Variants in TYR observed in about 807,000 individuals in gnomAD.
TYR encodes the protein tyrosinase.
Under a neutral mutation model 51.5 loss-of-function variants are expected in TYR, and 58 were observed. That is an observed-to-expected ratio of 1.13 (90% confidence interval 0.91 to 1.40). The LOEUF (loss-of-function observed/expected upper bound fraction) is 1.40, where lower values mean the gene tolerates loss of function less well. TYR is among the 40% of genes most tolerant of loss of function. The pLI, the probability that TYR is intolerant of heterozygous loss-of-function variation, is 0.00. For synonymous variants in TYR, 263 were observed against 235.2 expected, an observed-to-expected ratio of 1.12 and a Z score of -1.08; for missense variants, 732 against 647.4, an observed-to-expected ratio of 1.13 and a Z score of -1.42.
chr11:89,214,492 G>T (rs1165253373), intron 2 of TYR, among the ~76,000 whole-genome samples: 1 of 152,128 alleles, frequency 6.6e-6, no homozygotes, highest in Non-Finnish European at 1.5e-5. Context: ...CAAGGATCTA[G>T]AACTAGAAAT....
At chr11:89,230,770 A>T (rs549365077) in intron 3 of TYR, among the ~76,000 whole-genome samples, 1 of 152,110 alleles carries the variant, frequency 6.6e-6, no homozygotes, top group Non-Finnish European at 1.5e-5. Flanking sequence ...CAACAGGTAC[A>T]TGAAAAGATG....
chr11:89,200,082 C>T (rs574028), intron 2 of TYR, among the ~76,000 whole-genome samples: 88,166 of 152,010 alleles, frequency 0.58, 27,830 homozygotes, highest in African/African-American at 0.85. Flanking sequence ...TAAACAAATA[C>T]GAGTTAAAAG....
At chr11:89,196,808 C>A (rs376376324) in intron 2 of TYR, among the ~76,000 whole-genome samples, 23 of 152,234 alleles carry the variant, frequency 1.5e-4, no homozygotes, top group Middle Eastern at 3.4e-3. Context: ...ACCTACCCCA[C>A]AAGGGAAAAC....
At chr11:89,225,872 A>G (rs892924916) in intron 2 of TYR, among the ~76,000 whole-genome samples, 1 of 152,014 alleles carries the variant, frequency 6.6e-6, no homozygotes, top group Non-Finnish European at 1.5e-5. Context: ...AACACAAAGA[A>G]AAGATAAATG....
At chr11:89,201,328 C>T (rs150871355) in intron 2 of TYR, among the ~76,000 whole-genome samples, 32 of 152,188 alleles carry the variant, frequency 2.1e-4, no homozygotes, top group Non-Finnish European at 4.0e-4. Context: ...CAGTTTATCT[C>T]TGAATCCTAC....
chr11:89,218,978 T>A (rs1184197909), intron 2 of TYR, among the ~76,000 whole-genome samples: 1 of 152,216 alleles, frequency 6.6e-6, no homozygotes, highest in East Asian at 1.9e-4. Context: ...AAATTTAACC[T>A]GCCCTTGCCT....
chr11:89,290,758 AG>A (rs1944844442), intron 4 of TYR, among the ~76,000 whole-genome samples: 1 of 152,094 alleles, frequency 6.6e-6, no homozygotes, highest in African/African-American at 2.4e-5. Context: ...TCTAGACTTG[AG>A]TCACATAGCC....
At chr11:89,196,193 A>G (rs1281828724) in intron 2 of TYR, among the ~76,000 whole-genome samples, 1 of 152,210 alleles carries the variant, frequency 6.6e-6, no homozygotes, top group Admixed American at 6.5e-5. Context: ...CTTAGCAATC[A>G]TTAACTTCTC....
At chr11:89,237,445 A>G (rs1944132203) in intron 3 of TYR, among the ~76,000 whole-genome samples, 1 of 152,156 alleles carries the variant, frequency 6.6e-6, no homozygotes, top group Admixed American at 6.6e-5. Flanking sequence ...TCATCACAAT[A>G]TATTGATGAG....
intron 3 of TYR, among the ~76,000 whole-genome samples, chr11:89,239,188 C>T (rs1565408952): frequency 6.6e-6 from 1 of 152,100 alleles, no homozygotes; most frequent in Non-Finnish European, 1.5e-5. Flanking sequence ...CAGAACTTAT[C>T]TCTGAAGCCA....
chr11:89,252,819 C>A, intron 3 of TYR, among the ~76,000 whole-genome samples: 1 of 151,610 alleles, frequency 6.6e-6, no homozygotes, highest in East Asian at 1.9e-4. Context: ...GAGTTTCATG[C>A]TTCAACATGA....
intron 3 of TYR, among the ~76,000 whole-genome samples, chr11:89,265,661 A>T (rs1044882339): frequency 6.6e-6 from 1 of 151,996 alleles, no homozygotes; most frequent in Non-Finnish European, 1.5e-5. Flanking sequence ...AGGGGGTTTC[A>T]CTAGTCTCTC....
intron 2 of TYR, among the ~76,000 whole-genome samples, chr11:89,227,436 T>A (rs1307714491): frequency 6.6e-6 from 1 of 152,132 alleles, no homozygotes; most frequent in African/African-American, 2.4e-5. Context: ...AGGGGACACA[T>A]AACAGGCTGA....
rs11411684 is a variant in TYR, at chr11:89,216,647, C to CAAAAAAAAAAAAAAAA, written c.1037-11169_1037-11154dup. Among the ~76,000 whole-genome samples, 238 of 80,748 alleles carry CAAAAAAAAAAAAAAAA rather than the reference C, an allele frequency of 2.9e-3. 2 individuals are homozygous for CAAAAAAAAAAAAAAAA. The highest frequency in any genetic ancestry group is 4.3e-3 in the South Asian group (9 of 2,110). The allele number at this position is 80,748 out of a possible 152,430, so 53.0% of individuals were successfully genotyped here. A position where few individuals can be genotyped will look rare whatever the true frequency, so the allele number is the denominator to read the frequency against. ...CAGCCTGGATGGAGTTTTTCCATCT[C>CAAAAAAAAAAAAAAAA]AAAAAAAAAAAAAAAAAAAAAATAG... is the stretch of plus-strand genomic sequence containing the variant. On this transcript the variant is annotated intron_variant, in intron 2 of 4. Coordinates refer to ENST00000263321, the MANE Select transcript of TYR (RefSeq NM_000372.5).
chr11:89,290,812 C>T (rs1590906599), intron 4 of TYR, among the ~76,000 whole-genome samples: 1 of 152,076 alleles, frequency 6.6e-6, no homozygotes, highest in South Asian at 2.1e-4. Flanking sequence ...TCTCTTCTTT[C>T]TGCTATGTCA....
At chr11:89,219,465 T>G (rs974206603) in intron 2 of TYR, among the ~76,000 whole-genome samples, 3 of 151,838 alleles carry the variant, frequency 2.0e-5, no homozygotes, top group Non-Finnish European at 2.9e-5. Flanking sequence ...CCTGGCTAAT[T>G]TTTGTATTTT....
intron 1 of TYR, among the ~76,000 whole-genome samples, chr11:89,179,993 T>A (rs778033798): frequency 1.8e-4 from 27 of 152,146 alleles, no homozygotes; most frequent in Non-Finnish European, 3.8e-4. Flanking sequence ...CAATCTGCAG[T>A]TTTGAAATGT....
chr11:89,232,088 T>G (rs1387043794), intron 3 of TYR, among the ~76,000 whole-genome samples: 1 of 143,478 alleles, frequency 7.0e-6, no homozygotes, highest in South Asian at 2.3e-4. Flanking sequence ...AAAGTAGATT[T>G]TAACTGTTCT....
At chr11:89,230,311 A>G (rs146624852) in intron 3 of TYR, among the ~76,000 whole-genome samples, 2 of 152,240 alleles carry the variant, frequency 1.3e-5, no homozygotes, top group African/African-American at 2.4e-5. Flanking sequence ...TCGTTTGGGG[A>G]CAATTGGATA....
Sources: allele counts gnomAD v4.1 joint callset (sites outside exome capture counted in the v4.1 genomes callset), GRCh38; gene constraint gnomAD v4.1.1; transcripts MANE v1.5; gene names NCBI Gene and HGNC (gene_info 2026-07-23, HGNC 2026-07-21).